TLE4: variants seen among roughly 807,000 people sequenced by gnomAD.
TLE4 encodes TLE family member 4, transcriptional corepressor.
Under a neutral mutation model 92.8 loss-of-function variants are expected in TLE4, and 8 were observed. The observed-to-expected ratio is 0.09, with a 90% CI of 0.05 to 0.16. TLE4 has a LOEUF of 0.16. TLE4 is among the 10% of genes least tolerant of loss of function. TLE4 has a pLI of 1.00. For missense variants in TLE4, 675 were observed against 997.6 expected, an observed-to-expected ratio of 0.68 and a Z score of 4.36; for synonymous variants, 371 against 374.1, an observed-to-expected ratio of 0.99 and a Z score of 0.10.
At chr9:79,722,747 C>A in intron 18 of TLE4, 146 bp downstream of exon 18, 1 of 1,099,714 alleles carries the variant, frequency 9.1e-7, no homozygotes, top group Non-Finnish European at 1.3e-6. Context: ...CCTGCTTCCC[C>A]AACACCATGT....
intron 14 of TLE4, among the ~76,000 whole-genome samples, chr9:79,710,395 C>T (rs1161472655): frequency 1.3e-5 from 2 of 152,202 alleles, no homozygotes; most frequent in Admixed American, 6.5e-5. Context: ...TGCTTTCTCT[C>T]GCTTCTCCTT....
intron 8 of TLE4, among the ~76,000 whole-genome samples, chr9:79,683,603 A>G (rs1047574351): frequency 2.6e-5 from 4 of 152,230 alleles, no homozygotes; most frequent in Non-Finnish European, 5.9e-5. Context: ...TGTAAGTTAC[A>G]TCAACATACA....
Position 79,654,081 on chromosome 9 carries a change from A to C in TLE4, c.609+6A>C. ...TAGACAGAGACTCCATCAAGGTAGG[A>C]CTCAAAATTTACAGACTAAGGAATG... On this transcript the variant is annotated splice_donor_region_variant and intron_variant, in intron 8 of 19. Coordinates refer to ENST00000376552, the MANE Select transcript of TLE4 (RefSeq NM_007005.6). 6.2e-7 allele frequency: 1 copy of C among 1,613,474 alleles called. No homozygotes were observed. The highest frequency in any genetic ancestry group is 8.5e-7 in the Non-Finnish European group (1 of 1,179,564).
chr9:79,660,242 C>T (rs775282387), intron 8 of TLE4, among the ~76,000 whole-genome samples: 4 of 152,192 alleles, frequency 2.6e-5, no homozygotes, highest in Non-Finnish European at 4.4e-5. Context: ...GATCTCAAGG[C>T]TGTAACTCAA....
At chr9:79,589,062 C>T (rs1349905492) in intron 4 of TLE4, among the ~76,000 whole-genome samples, 1 of 152,302 alleles carries the variant, frequency 6.6e-6, no homozygotes, top group East Asian at 1.9e-4. Context: ...TGCTGCTGAA[C>T]ATCTGCATGT....
At chr9:79,609,243 G>A (rs1341218472) in intron 4 of TLE4, among the ~76,000 whole-genome samples, 8 of 152,056 alleles carry the variant, frequency 5.3e-5, no homozygotes, top group Non-Finnish European at 8.8e-5. Context: ...ACCTGGTCAT[G>A]CTCCTAGGCC....
intron 12 of TLE4, among the ~76,000 whole-genome samples, 164 bp downstream of exon 12, chr9:79,708,414 A>G (rs2072292627): frequency 6.6e-6 from 1 of 152,236 alleles, no homozygotes. Flanking sequence ...CTTGTCTGGC[A>G]CATGGTAAGT....
At chr9:79,699,524 G>C (rs1029519342) in intron 8 of TLE4, among the ~76,000 whole-genome samples, 10 of 152,158 alleles carry the variant, frequency 6.6e-5, no homozygotes, top group African/African-American at 2.4e-4. Flanking sequence ...ACATATTTTA[G>C]TGGTACCTTC....
chr9:79,666,200 T>TG (rs2061373560), intron 8 of TLE4, among the ~76,000 whole-genome samples: 1 of 123,498 alleles, frequency 8.1e-6, no homozygotes, highest in Non-Finnish European at 1.7e-5. Context: ...TGTGTGTGGG[T>TG]GGGGTTTTTT....
At chr9:79,574,411 T>C (rs921833117) in intron 2 of TLE4, among the ~76,000 whole-genome samples, 5 of 152,132 alleles carry the variant, frequency 3.3e-5, no homozygotes, top group Non-Finnish European at 4.4e-5. Context: ...CTGTGTGTTT[T>C]GGAGGGAAAA....
intron 14 of TLE4, among the ~76,000 whole-genome samples, chr9:79,713,043 G>A (rs1307071176): frequency 6.6e-6 from 1 of 152,218 alleles, no homozygotes; most frequent in Non-Finnish European, 1.5e-5. Flanking sequence ...TCACTGGTCT[G>A]TATGCTACTT....
chr9:79,654,534 T>G (rs1326015718), intron 8 of TLE4, among the ~76,000 whole-genome samples: 1 of 152,136 alleles, frequency 6.6e-6, no homozygotes, highest in African/African-American at 2.4e-5. Flanking sequence ...ATTTTCTCTT[T>G]TAAATTTAAG....
chr9:79,605,610 A>G (rs1466893474), intron 4 of TLE4, among the ~76,000 whole-genome samples: 4 of 152,056 alleles, frequency 2.6e-5, no homozygotes, highest in African/African-American at 9.7e-5. Flanking sequence ...AAAATGCTTC[A>G]GTAAAATATA....
Position 79,621,793 on chromosome 9 carries a change from C to G in TLE4, c.316-5581C>G, listed in dbSNP as rs576530024. On this transcript the variant is annotated intron_variant, in intron 5 of 19. Transcript: ENST00000376552. ...GCCTGGGGTACTCTGGCATCTGGGT[C>G]TCATGGTCTCTAAAGGCCTTTTCCA... 2.4e-4 allele frequency among the ~76,000 whole-genome samples: 36 copies of G among 152,246 alleles called. 2 individuals carry two copies. In the South Asian group the frequency reaches 7.3e-3, roughly 31 times the overall value.
rs750432999 is a variant in TLE4, at chr9:79,708,708, G to T, written c.1185G>T (p.Gly395=). Residue 395 remains glycine (G), a synonymous_variant, in exon 13 of 20, where the codon GGG becomes GGT. Coordinates refer to ENST00000376552, the MANE Select transcript of TLE4 (RefSeq NM_007005.6). ...CCAGCCCCGGAGCGGCCTACGCTGG[G>T]CTCCACAACATCTCCCCTCAGATGA... The part of the protein sequence containing the change: ...ELTSPGAAYA[G]LHNISPQMSA... 3.1e-6 allele frequency: 5 copies of T among 1,613,278 alleles called. No homozygotes were observed. Among genetic ancestry groups the T allele is most frequent in the Non-Finnish European group, 3.4e-6 (4 of 1,180,030 alleles).
chr9:79,596,129 A>G (rs2043947677), intron 4 of TLE4, among the ~76,000 whole-genome samples: 1 of 152,194 alleles, frequency 6.6e-6, no homozygotes, highest in African/African-American at 2.4e-5. Flanking sequence ...TACAGGCGTG[A>G]GGAACCGCGC....
chr9:79,685,171 G>A (rs771437253), intron 8 of TLE4, among the ~76,000 whole-genome samples: 2 of 152,088 alleles, frequency 1.3e-5, no homozygotes, highest in Admixed American at 6.6e-5. Context: ...TTTCCAAGAC[G>A]ACTTTGATGA....
At chr9:79,574,647 A>T (rs921883086) in intron 2 of TLE4, among the ~76,000 whole-genome samples, 7 of 150,206 alleles carry the variant, frequency 4.7e-5, no homozygotes, top group South Asian at 4.2e-4. Flanking sequence ...AAACTTAATT[A>T]AAAAAAAAAT....
intron 4 of TLE4, among the ~76,000 whole-genome samples, chr9:79,599,441 T>C (rs974703130): frequency 2.0e-5 from 3 of 152,182 alleles, no homozygotes; most frequent in African/African-American, 7.2e-5. Context: ...TGTGGGTGTT[T>C]GTGAAAGGTC....
Sources: gnomAD v4.1 joint callset for allele counts (sites outside exome capture counted in the v4.1 genomes callset) on GRCh38, gnomAD v4.1.1 for gene constraint, MANE v1.5 for transcripts, NCBI Gene and HGNC (gene_info 2026-07-23, HGNC 2026-07-21) for gene names.